The following BACH2 variants were observed in gnomAD, a reference collection of about 807,000 sequenced individuals.
The protein encoded by BACH2 is transcription regulator protein BACH2.
A neutral mutation model predicts 61.8 loss-of-function variants in BACH2; 5 were observed. That is an observed-to-expected ratio of 0.08 (90% CI 0.04 to 0.17). The LOEUF (loss-of-function observed/expected upper bound fraction) is 0.17. BACH2 is among the 10% of genes least tolerant of loss of function. The pLI is 1.00. For synonymous variants in BACH2, 446 were observed against 440.1 expected (o/e 1.01, Z -0.17); for missense variants, 824 against 1,091.1 (o/e 0.76, Z 3.45).
intron 4 of BACH2, among the ~76,000 whole-genome samples, chr6:90,126,249 C>A (rs902945666): frequency 6.6e-6 from 1 of 152,148 alleles, no homozygotes; most frequent in African/African-American, 2.4e-5. Context: ...CATGCTAAAA[C>A]GTATTTCAGT....
intron 5 of BACH2, among the ~76,000 whole-genome samples, chr6:90,027,714 A>G (rs1257484026): frequency 6.6e-6 from 1 of 152,160 alleles, no homozygotes; most frequent in African/African-American, 2.4e-5. Flanking sequence ...TCCTAGCTGC[A>G]TGGCTTTGGC....
chr6:89,998,500 T>C (rs1214376770), intron 6 of BACH2, among the ~76,000 whole-genome samples: 1 of 152,092 alleles, frequency 6.6e-6, no homozygotes, highest in African/African-American at 2.4e-5. Flanking sequence ...ACTTCCGAGA[T>C]CCTAGGAAAC....
intron 4 of BACH2, among the ~76,000 whole-genome samples, chr6:90,158,473 T>C (rs1172409035): frequency 2.6e-5 from 4 of 151,870 alleles, no homozygotes; most frequent in Admixed American, 2.6e-4. Context: ...GGTTGAAAGA[T>C]GAAGCCACAC....
intron 6 of BACH2, among the ~76,000 whole-genome samples, chr6:89,967,787 T>G (rs6935670): frequency 0.19 from 28,893 of 152,192 alleles, 3,455 homozygotes; most frequent in Middle Eastern, 0.3. Flanking sequence ...ACTTCTGTGC[T>G]CATGAACTCT....
intron 6 of BACH2, among the ~76,000 whole-genome samples, chr6:89,975,192 G>A (rs765231873): frequency 3.3e-5 from 5 of 152,162 alleles, no homozygotes; most frequent in Non-Finnish European, 5.9e-5. Context: ...AGCTTCAGAT[G>A]CAGATTTTTT....
intron 6 of BACH2, among the ~76,000 whole-genome samples, chr6:89,952,421 C>T (rs1013693549): frequency 3.3e-5 from 5 of 152,198 alleles, no homozygotes; most frequent in Non-Finnish European, 7.3e-5. Context: ...TCATCCATCA[C>T]AGTTTCTACT....
Position 90,217,212 on chromosome 6 carries a change from C to G in BACH2, c.-274-10531G>C, listed in dbSNP as rs530154560. Among the ~76,000 whole-genome samples the G allele has an allele frequency of 3.9e-5, 6 of 152,212 alleles. No individual in the cohort carries two copies. In the East Asian group the frequency reaches 1.2e-3, roughly 29 times the overall value. ...CAATATCATCAGTGCCTTGTTTACT[C>G]CAGGTCAAGGTGTGATCTGAGTGTC... On this transcript the variant is annotated intron_variant, in intron 3 of 8. Transcript: ENST00000257749.
intron 6 of BACH2, among the ~76,000 whole-genome samples, chr6:89,955,728 G>A (rs1041806948): frequency 6.6e-5 from 10 of 152,026 alleles, no homozygotes; most frequent in African/African-American, 2.4e-4. Context: ...CCATTTTTAG[G>A]GACCATTTAA....
intron 5 of BACH2, among the ~76,000 whole-genome samples, chr6:90,012,270 C>T (rs1342399336): frequency 6.6e-6 from 1 of 152,132 alleles, no homozygotes; most frequent in East Asian, 1.9e-4. Context: ...TTAGGAAGAA[C>T]TGCCATCTTA....
intron 6 of BACH2, among the ~76,000 whole-genome samples, chr6:89,997,568 C>T (rs954767917): frequency 4.6e-5 from 7 of 152,222 alleles, no homozygotes; most frequent in East Asian, 1.9e-4. Context: ...CACATCAGAA[C>T]GCCTCTCATG....
chr6:90,235,109 T>G (rs889620703), intron 3 of BACH2, among the ~76,000 whole-genome samples: 1 of 152,318 alleles, frequency 6.6e-6, no homozygotes, highest in East Asian at 1.9e-4. Context: ...CAAGACCTTT[T>G]TTCGGCTGCA....
At chr6:90,060,531 C>T (rs1295804291) in intron 5 of BACH2, among the ~76,000 whole-genome samples, 1 of 151,976 alleles carries the variant, frequency 6.6e-6, no homozygotes, top group Non-Finnish European at 1.5e-5. Flanking sequence ...TCACCATTCA[C>T]CATTTTTGTA....
intron 6 of BACH2, among the ~76,000 whole-genome samples, chr6:90,003,274 C>T (rs1486589051): frequency 1.3e-5 from 2 of 152,136 alleles, no homozygotes; most frequent in African/African-American, 2.4e-5. Flanking sequence ...GTGGCAAACA[C>T]GCCCTGCCCA....
chr6:90,100,704 C>CACACACAT (rs758094165), intron 4 of BACH2, among the ~76,000 whole-genome samples: 1 of 66,344 alleles, frequency 1.5e-5, no homozygotes, highest in African/African-American at 6.5e-5. Context: ...CACACACAGA[C>CACACACAT]ACACACACAC....
intron 3 of BACH2, among the ~76,000 whole-genome samples, chr6:90,225,486 C>G (rs1157259465): frequency 1.3e-5 from 2 of 152,042 alleles, no homozygotes; most frequent in Non-Finnish European, 2.9e-5. Flanking sequence ...TGTAAGGTAA[C>G]AGGTGACAGG....
chr6:89,985,296 C>T (rs554675922), intron 6 of BACH2, among the ~76,000 whole-genome samples: 3 of 152,134 alleles, frequency 2.0e-5, no homozygotes, highest in Non-Finnish European at 4.4e-5. Context: ...ACTGAGGTGG[C>T]CACCTGGGAT....
At chr6:90,226,045 CT>C in intron 3 of BACH2, among the ~76,000 whole-genome samples, 1 of 152,200 alleles carries the variant, frequency 6.6e-6, no homozygotes, top group African/African-American at 2.4e-5. Flanking sequence ...TTCTGATGTG[CT>C]GTAAAGTTTG....
intron 5 of BACH2, among the ~76,000 whole-genome samples, chr6:90,014,199 C>T (rs1582197417): frequency 6.6e-6 from 1 of 150,886 alleles, no homozygotes; most frequent in South Asian, 2.1e-4. Flanking sequence ...GTTTTTCTGG[C>T]CTGGTTTTAG....
intron 5 of BACH2, among the ~76,000 whole-genome samples, chr6:90,076,615 C>T (rs1392145484): frequency 1.3e-5 from 2 of 152,126 alleles, no homozygotes; most frequent in African/African-American, 2.4e-5. Flanking sequence ...TTGCTTGTTC[C>T]GACACAATGC....
Sources: gnomAD v4.1 joint callset for allele counts (sites outside exome capture counted in the v4.1 genomes callset) on GRCh38, gnomAD v4.1.1 for gene constraint, MANE v1.5 for transcripts, NCBI Gene and HGNC (gene_info 2026-07-23, HGNC 2026-07-21) for gene names.